ADGRL3: variants seen among roughly 807,000 people sequenced by gnomAD.
The protein encoded by ADGRL3 is calcium-independent alpha-latrotoxin receptor 3.
Under a neutral mutation model 153.5 loss-of-function variants are expected in ADGRL3, and 62 were observed. The ratio of observed to expected loss-of-function variants is 0.40; its 90% CI spans 0.33 to 0.50. ADGRL3 has a LOEUF of 0.50. Among genes scored for constraint, ADGRL3 ranks in the 20% least tolerant of loss-of-function variants. ADGRL3 has a pLI of 0.47. For missense variants in ADGRL3, 1,641 were observed against 1,859.4 expected, an observed-to-expected ratio of 0.88 and a Z score of 2.16; for synonymous variants, 710 against 672.5, an observed-to-expected ratio of 1.06 and a Z score of -0.86.
intron 1 of ADGRL3, among the ~76,000 whole-genome samples, chr4:61,331,758 A>G (rs190240506): frequency 8.3e-4 from 126 of 152,236 alleles, no homozygotes; most frequent in African/African-American, 2.8e-3. Context: ...AGTCATTCGT[A>G]TGTATAAGTT....
rs55879235 is a variant in ADGRL3, at chr4:61,903,650, C to CAAAAAAAAAAAA, written c.1888-5888_1888-5877dup. Among the ~76,000 whole-genome samples the CAAAAAAAAAAAA allele has an allele frequency of 4.7e-4, 34 of 72,356 alleles. 3 individuals are homozygous for CAAAAAAAAAAAA. Among genetic ancestry groups the CAAAAAAAAAAAA allele is most frequent in the African/African-American group, 1.6e-3 (24 of 15,294 alleles). The allele number at this position is 72,356 out of a possible 152,430, so 47.5% of individuals were successfully genotyped here. ...TGCTGCACTCCAGCTTGGGAAACAG[C>CAAAAAAAAAAAA]AAAAAAAAAAAAAAAAAAAAAAAAA... On this transcript the variant is annotated intron_variant, in intron 11 of 26. Transcript: ENST00000683033.
At chr4:61,874,138 C>T (rs1296103934) in intron 9 of ADGRL3, among the ~76,000 whole-genome samples, 4 of 152,110 alleles carry the variant, frequency 2.6e-5, no homozygotes, top group Non-Finnish European at 5.9e-5. Flanking sequence ...TGTCAGGAGA[C>T]CAGGTACAGC....
intron 4 of ADGRL3, among the ~76,000 whole-genome samples, chr4:61,527,197 T>C (rs1299227191): frequency 6.6e-6 from 1 of 152,056 alleles, no homozygotes; most frequent in East Asian, 1.9e-4. Context: ...TGTATTTCCA[T>C]AGTTTCACAT....
At position 61,953,495 on chromosome 4, in the gene ADGRL3, A is replaced by G. The variant is rs150408244; in HGVS notation, c.2805+5219A>G. On this transcript the variant is annotated intron_variant, in intron 17 of 26. Coordinates refer to ENST00000683033, the MANE Select transcript of ADGRL3 (RefSeq NM_001387552.1). ...AAGTTAAGATAAACATCATAAAGAT[A>G]CTGACACACTGCCTAATACACAGTA... is the stretch of plus-strand genomic sequence containing the variant. Among the ~76,000 whole-genome samples the G allele has an allele frequency of 3.8e-3, 578 of 152,336 alleles. 6 individuals carry two copies. The highest frequency in any genetic ancestry group is 0.013 in the African/African-American group (554 of 41,582).
At chr4:61,719,899 G>A (rs6843246) in intron 6 of ADGRL3, among the ~76,000 whole-genome samples, 66,351 of 151,590 alleles carry the variant, frequency 0.44, 14,756 homozygotes, top group Admixed American at 0.54. Flanking sequence ...CACCGCTCCC[G>A]CCCCCTGTCA....
chr4:61,330,722 C>G (rs570134864), intron 1 of ADGRL3, among the ~76,000 whole-genome samples: 13 of 152,110 alleles, frequency 8.5e-5, no homozygotes. Flanking sequence ...GCTTCCACTG[C>G]GTGGAAAGGG....
At chr4:61,326,525 A>T (rs925645517) in intron 1 of ADGRL3, among the ~76,000 whole-genome samples, 2 of 150,610 alleles carry the variant, frequency 1.3e-5, no homozygotes, top group Admixed American at 6.6e-5. Context: ...ATTATATTTT[A>T]TTTAGGAGAA....
intron 5 of ADGRL3, among the ~76,000 whole-genome samples, chr4:61,610,431 T>C (rs533611768): frequency 1.3e-5 from 2 of 152,180 alleles, no homozygotes; most frequent in South Asian, 4.1e-4. Context: ...CATCTTCTTC[T>C]GTCGGGACTG....
At chr4:61,890,142 CAAAG>C (rs995662101) in intron 9 of ADGRL3, among the ~76,000 whole-genome samples, 27 of 152,072 alleles carry the variant, frequency 1.8e-4, no homozygotes, top group African/African-American at 6.3e-4. Context: ...CTAAAGAAGA[CAAAG>C]AAGAAATAGC....
intron 1 of ADGRL3, among the ~76,000 whole-genome samples, chr4:61,277,279 A>G (rs2093509192): frequency 6.6e-6 from 1 of 152,174 alleles, no homozygotes; most frequent in Admixed American, 6.6e-5. Context: ...TATAAGGACT[A>G]GAGCTATGAA....
At chr4:61,860,143 G>T (rs998568754) in intron 9 of ADGRL3, among the ~76,000 whole-genome samples, 1 of 152,192 alleles carries the variant, frequency 6.6e-6, no homozygotes, top group Non-Finnish European at 1.5e-5. Flanking sequence ...GTTTTGGTTG[G>T]CTGGGCATTG....
At chr4:61,387,153 A>T (rs1013415622) in intron 2 of ADGRL3, among the ~76,000 whole-genome samples, 1 of 152,154 alleles carries the variant, frequency 6.6e-6, no homozygotes, top group South Asian at 2.1e-4. Flanking sequence ...ATACCCTACA[A>T]GCCACAAAAA....
chr4:61,461,102 A>G (rs2097808984), intron 2 of ADGRL3, among the ~76,000 whole-genome samples: 1 of 152,036 alleles, frequency 6.6e-6, no homozygotes, highest in South Asian at 2.1e-4. Context: ...AAGCCATCAC[A>G]TCTCGTGAGA....
intron 1 of ADGRL3, among the ~76,000 whole-genome samples, chr4:61,356,934 G>A (rs997749692): frequency 5.9e-5 from 9 of 151,518 alleles, no homozygotes; most frequent in African/African-American, 2.2e-4. Context: ...GTACTCATTG[G>A]TGTTTGCCAA....
chr4:61,640,711 C>T (rs1336877516), intron 5 of ADGRL3, among the ~76,000 whole-genome samples: 4 of 152,152 alleles, frequency 2.6e-5, no homozygotes, highest in Non-Finnish European at 5.9e-5. Context: ...TGACTTCCAC[C>T]TGACAGTGCT....
At chr4:61,780,618 A>G (rs1000694146) in intron 8 of ADGRL3, among the ~76,000 whole-genome samples, 4 of 152,220 alleles carry the variant, frequency 2.6e-5, no homozygotes, top group African/African-American at 9.6e-5. Flanking sequence ...ACTAACTCAT[A>G]GTCTATAACA....
intron 9 of ADGRL3, among the ~76,000 whole-genome samples, chr4:61,850,372 T>C (rs1185359544): frequency 1.3e-5 from 2 of 152,146 alleles, no homozygotes; most frequent in African/African-American, 4.8e-5. Context: ...AGCTTCTTGC[T>C]CTAATTTTAA....
At chr4:61,233,270 A>G (rs1751505251) in intron 1 of ADGRL3, among the ~76,000 whole-genome samples, 1 of 152,170 alleles carries the variant, frequency 6.6e-6, no homozygotes, top group African/African-American at 2.4e-5. Context: ...GAATGATTGG[A>G]GTAGGTAGGT....
Position 61,201,784 on chromosome 4 carries a change from T to A in ADGRL3, c.-240+19T>A, listed in dbSNP as rs983951566. The A allele has an allele frequency of 2.6e-5, 4 of 152,284 alleles. No homozygotes were observed. Among genetic ancestry groups the A allele is most frequent in the South Asian group, 4.1e-4 (2 of 4,842 alleles). 9.4% of individuals were successfully genotyped at this position (152,284 alleles called of 1,614,324 possible). On this transcript the variant is annotated intron_variant, in intron 1 of 26. Coordinates refer to ENST00000683033, the MANE Select transcript of ADGRL3 (RefSeq NM_001387552.1). ...ACGAAAGGTAATTTATTCTTCGCACTCTTCATAATAGGGGTCGCCCTGGCC... is the reference window on the plus strand; with the variant it reads ...ACGAAAGGTAATTTATTCTTCGCACACTTCATAATAGGGGTCGCCCTGGCC...
Sources: gnomAD v4.1 joint callset for allele counts (sites outside exome capture counted in the v4.1 genomes callset) on GRCh38, gnomAD v4.1.1 for gene constraint, MANE v1.5 for transcripts, NCBI Gene and HGNC (gene_info 2026-07-23, HGNC 2026-07-21) for gene names.